Variants in IQGAP2 observed in about 807,000 individuals in gnomAD.
IQGAP2 encodes ras GTPase-activating-like protein IQGAP2.
In IQGAP2, 173 loss-of-function variants were observed where a neutral mutation model predicts 201.3. That is an observed-to-expected ratio of 0.86 (90% confidence interval 0.76 to 0.98). The LOEUF is 0.98. IQGAP2 is among the 50% of genes least tolerant of loss of function. The pLI, the probability that IQGAP2 is intolerant of heterozygous loss-of-function variation, is 0.00. For synonymous variants in IQGAP2, 675 were observed against 673.9 expected (o/e 1.00, Z -0.03); for missense variants, 1,687 against 1,864.8 (o/e 0.90, Z 1.76).
chr5:76,668,369 T>C (rs1344294034), intron 22 of IQGAP2, among the ~76,000 whole-genome samples: 1 of 147,876 alleles, frequency 6.8e-6, no homozygotes, highest in Non-Finnish European at 1.5e-5. Context: ...TCCTATAGTA[T>C]GATATGAATA....
At chr5:76,614,117 G>A (rs1033077149) in intron 13 of IQGAP2, among the ~76,000 whole-genome samples, 8 of 152,312 alleles carry the variant, frequency 5.3e-5, no homozygotes, top group Middle Eastern at 3.4e-3. Flanking sequence ...TGTCTTTGAG[G>A]TGAGCCTGAC....
At chr5:76,620,694 G>A (rs1265597061) in intron 13 of IQGAP2, among the ~76,000 whole-genome samples, 1 of 152,144 alleles carries the variant, frequency 6.6e-6, no homozygotes, top group Non-Finnish European at 1.5e-5. Context: ...GGCCTAGGGG[G>A]AGTTATGAGA....
rs138071492 is a variant in IQGAP2, at chr5:76,505,130, C to G, written c.146+43461C>G. On this transcript the variant is annotated intron_variant, in intron 2 of 35. Coordinates refer to ENST00000274364, the MANE Select transcript of IQGAP2 (RefSeq NM_006633.5). ...TGGCACCCTCACTAGAGTCTTAAGT[C>G]CCACAGCAATAAGGGCTTTGTCTTT... Among the ~76,000 whole-genome samples, 856 of 152,274 alleles carry G rather than the reference C, an allele frequency of 5.6e-3. 9 individuals carry two copies. Among genetic ancestry groups the G allele is most frequent in the African/African-American group, 0.019 (809 of 41,542 alleles).
intron 2 of IQGAP2, among the ~76,000 whole-genome samples, chr5:76,520,332 G>C (rs1008643974): frequency 6.6e-6 from 1 of 152,070 alleles, no homozygotes. Context: ...AAAACCAGTT[G>C]ACCATATTTA....
rs1208794777 is a variant in IQGAP2, at chr5:76,583,165, A to T, written c.459-5741A>T. 3.9e-5 allele frequency among the ~76,000 whole-genome samples: 6 copies of T among 152,224 alleles called. No homozygotes were observed. In the East Asian group the frequency reaches 1.2e-3, roughly 29 times the overall value. On this transcript the variant is annotated intron_variant, in intron 5 of 35. Transcript: ENST00000274364. ...GCTACATGAGATTGGCACTTTTTCT[A>T]TTCGATGGGCTTTTTTGTTTTTTAG...
In IQGAP2 at chr5:76,680,264, G is replaced by A. The variant is rs558024583; in HGVS notation, c.3661-2851G>A. On this transcript the variant is annotated intron_variant, in intron 28 of 35. Coordinates refer to ENST00000274364, the MANE Select transcript of IQGAP2 (RefSeq NM_006633.5). Reference sequence around the variant, plus strand: ...AAATAGTGTCTCCAAATGGTACTGGGACAACTGGAAATTCCCATGCCAAAG... The same window carrying A: ...AAATAGTGTCTCCAAATGGTACTGGAACAACTGGAAATTCCCATGCCAAAG... 2.0e-5 allele frequency among the ~76,000 whole-genome samples: 3 copies of A among 152,290 alleles called. No individual in the cohort carries two copies. In the South Asian group the frequency reaches 6.2e-4, roughly 32 times the overall value.
chr5:76,674,683 T>C lies in IQGAP2; in HGVS notation c.3501T>C (p.Tyr1167=). Residue 1167 remains tyrosine, a synonymous_variant, in exon 27 of 36, where the codon TAT becomes TAC. Coordinates refer to ENST00000274364, the MANE Select transcript of IQGAP2 (RefSeq NM_006633.5). ...AGCATCTCTCATCTATGAACAATTA[T>C]TTATCAGAGACGTATCAGGAATTCA... ...ENEHLSSMNN[Y]LSETYQEFRK... 7.4e-6 allele frequency: 12 copies of C among 1,613,796 alleles called. No homozygotes were observed. The highest frequency in any genetic ancestry group is 1.0e-5 in the Non-Finnish European group (12 of 1,179,658).
chr5:76,478,393 C>T (rs547789831), intron 2 of IQGAP2, among the ~76,000 whole-genome samples: 7 of 152,092 alleles, frequency 4.6e-5, no homozygotes, highest in East Asian at 1.9e-4. Context: ...AGTGAGACTC[C>T]GCCTCAAGAA....
rs1269816899 is a variant in IQGAP2, at chr5:76,658,745, G to A, written c.2529+78G>A. ...TACAGTCAAGAGTCACTTAATGACAGGGATACATTCTCAGAAATGTAGCAT... is the reference window on the plus strand; with the variant it reads ...TACAGTCAAGAGTCACTTAATGACAAGGATACATTCTCAGAAATGTAGCAT... On this transcript the variant is annotated intron_variant, in intron 21 of 35. Transcript: ENST00000274364. 11 of 1,204,614 alleles carry A rather than the reference G, an allele frequency of 9.1e-6. No homozygotes were observed. The Admixed American group carries it at 2.0e-4, about 22-fold the overall frequency. The allele number at this position is 1,204,614 out of a possible 1,614,324, so 74.6% of individuals were successfully genotyped here.
intron 1 of IQGAP2, among the ~76,000 whole-genome samples, chr5:76,460,558 T>G (rs1443777948): frequency 6.6e-6 from 1 of 151,012 alleles, no homozygotes; most frequent in Non-Finnish European, 1.5e-5. Context: ...CTGAGAGTTT[T>G]ATGGGAGAGA....
chr5:76,693,470 A>T (rs753999442), intron 31 of IQGAP2, 28 bp downstream of exon 31: 5 of 1,341,918 alleles, frequency 3.7e-6, no homozygotes, highest in Non-Finnish European at 5.3e-6. Flanking sequence ...GTAAAATAAT[A>T]ATAGACAGGT....
chr5:76,453,092 T>A (rs1753869223), intron 1 of IQGAP2, among the ~76,000 whole-genome samples: 1 of 152,008 alleles, frequency 6.6e-6, no homozygotes, highest in Non-Finnish European at 1.5e-5. Context: ...GTTTTTATAT[T>A]TTTAGTAGAA....
In IQGAP2 at chr5:76,671,793, G is replaced by A. The variant is rs1284468106; in HGVS notation, c.2878G>A (p.Gly960Ser). Residue 960 changes from glycine (G) to serine (S), a missense_variant, in exon 24 of 36, where the codon GGT (glycine) becomes AGT (serine). Transcript: ENST00000274364. ...KVDQVQDIVT[G>S]NPTVIKMVVS... ...GGACCAGGTACAGGACATAGTTACT[G>A]GTAACCCTACAGTCATCAAGATGGT... 6 of 1,614,006 alleles carry A rather than the reference G, an allele frequency of 3.7e-6. No individual in the cohort carries two copies. The highest frequency in any genetic ancestry group is 5.1e-6 in the Non-Finnish European group (6 of 1,179,972).
intron 31 of IQGAP2, chr5:76,693,911 G>A (rs1001078304): frequency 1.3e-5 from 2 of 152,504 alleles, no homozygotes; most frequent in African/African-American, 2.4e-5. Context: ...GCGTAAGTGA[G>A]GTTTCACAAC....
rs1752727087 is a variant in IQGAP2 at position 76,436,699 on chromosome 5, T to C, written c.47-24871T>C. Among the ~76,000 whole-genome samples, 2 of 149,398 alleles carry C rather than the reference T, an allele frequency of 1.3e-5. 1 individual carries two copies. The highest frequency in any genetic ancestry group is 4.2e-4 in the South Asian group (2 of 4,708). On this transcript the variant is annotated intron_variant, in intron 1 of 35. Transcript: ENST00000274364. ...GTGTGTGCCACCATGCCCAGCTAATTTGGTATTTTTAGTAGAGATGGGGTT... is the reference window on the plus strand; with the variant it reads ...GTGTGTGCCACCATGCCCAGCTAATCTGGTATTTTTAGTAGAGATGGGGTT...
intron 2 of IQGAP2, among the ~76,000 whole-genome samples, chr5:76,485,797 G>C (rs1414393898): frequency 2.6e-5 from 4 of 152,086 alleles, no homozygotes; most frequent in Non-Finnish European, 5.9e-5. Context: ...TGCACTGCTG[G>C]GTCTGTCCTG....
intron 2 of IQGAP2, among the ~76,000 whole-genome samples, chr5:76,508,543 A>G (rs369625957): frequency 2.0e-5 from 3 of 151,810 alleles, no homozygotes; most frequent in South Asian, 2.1e-4. Flanking sequence ...ATCAAGTATT[A>G]GAATTTAATA....
chr5:76,468,809 C>A (rs144933200), intron 2 of IQGAP2, among the ~76,000 whole-genome samples: 50 of 152,296 alleles, frequency 3.3e-4, no homozygotes, highest in African/African-American at 1.2e-3. Flanking sequence ...ATGTGCTATT[C>A]GCTTTTCATA....
chr5:76,445,453 G>A (rs536232163), intron 1 of IQGAP2, among the ~76,000 whole-genome samples: 46 of 151,870 alleles, frequency 3.0e-4, no homozygotes, highest in Non-Finnish European at 5.6e-4. Flanking sequence ...GGCAAAAATC[G>A]GCCGTTTTAA....
Sources: gnomAD v4.1 joint callset for allele counts (sites outside exome capture counted in the v4.1 genomes callset) on GRCh38, gnomAD v4.1.1 for gene constraint, MANE v1.5 for transcripts, NCBI Gene and HGNC (gene_info 2026-07-23, HGNC 2026-07-21) for gene names.